The following VIT variants were observed in gnomAD, a reference collection of about 807,000 sequenced individuals.
VIT encodes vitrin.
Under a neutral mutation model 78.0 loss-of-function variants are expected in VIT, and 99 were observed. The observed-to-expected ratio is 1.27, with a 90% CI of 1.08 to 1.50. VIT has a LOEUF of 1.50. VIT is among the 40% of genes most tolerant of loss of function. The probability of loss-of-function intolerance (pLI) is 0.00; values close to 1 mark genes in which losing one functional copy is unlikely to be tolerated. For missense variants in VIT, 1,126 were observed against 875.3 expected, an observed-to-expected ratio of 1.29 and a Z score of -3.61; for synonymous variants, 374 against 334.3, an observed-to-expected ratio of 1.12 and a Z score of -1.29.
intron 1 of VIT, among the ~76,000 whole-genome samples, chr2:36,713,410 G>C (rs1323630563): frequency 6.6e-6 from 1 of 152,200 alleles, no homozygotes; most frequent in Non-Finnish European, 1.5e-5. Context: ...CAGAAGGGTC[G>C]ACGGAGGCCA....
chr2:36,738,530 T>A (rs1282985450), intron 3 of VIT, among the ~76,000 whole-genome samples: 1 of 152,162 alleles, frequency 6.6e-6, no homozygotes, highest in Non-Finnish European at 1.5e-5. Flanking sequence ...CCCTCTGTCA[T>A]CCAATCACTC....
intron 1 of VIT, among the ~76,000 whole-genome samples, chr2:36,709,175 G>C (rs115155365): frequency 6.6e-6 from 1 of 151,920 alleles, no homozygotes; most frequent in African/African-American, 2.4e-5. Context: ...AAACAATATC[G>C]ATGTCAACTC....
intron 2 of VIT, among the ~76,000 whole-genome samples, chr2:36,728,057 T>C (rs1421219333): frequency 6.6e-6 from 1 of 152,130 alleles, no homozygotes; most frequent in East Asian, 1.9e-4. Context: ...GCCTCCCAAG[T>C]AGCTGGAATT....
chr2:36,744,125 CA>C (rs1249858056), intron 4 of VIT, among the ~76,000 whole-genome samples: 1 of 152,166 alleles, frequency 6.6e-6, no homozygotes, highest in Non-Finnish European at 1.5e-5. Flanking sequence ...CATGTTGCTG[CA>C]AAGGACAAAA....
chr2:36,772,750 T>C (rs1669837768), intron 7 of VIT, among the ~76,000 whole-genome samples: 1 of 152,186 alleles, frequency 6.6e-6, no homozygotes, highest in African/African-American at 2.4e-5. Context: ...TACTTTGAAA[T>C]TGTGTCAAAT....
At chr2:36,763,548 A>G (rs1203920856) in intron 6 of VIT, among the ~76,000 whole-genome samples, 1 of 150,800 alleles carries the variant, frequency 6.6e-6, no homozygotes, top group Non-Finnish European at 1.5e-5. Context: ...ATTGGGAGCA[A>G]TTGGGATAGG....
chr2:36,808,954 C>G lies in VIT; in HGVS notation c.1872C>G (p.Val624=). 6.2e-7 allele frequency: 1 copy of G among 1,600,526 alleles called. No homozygotes were observed. The highest frequency in any genetic ancestry group is 8.5e-7 in the Non-Finnish European group (1 of 1,171,022). ...CCGACGGGAGGTCCTACGACGACGT[C>G]CGGATCCCAGCCATGGCTGCCCATC... The part of the protein sequence containing the change: ...LITDGRSYDD[V]RIPAMAAHLK... Residue 624 remains valine (V), a synonymous_variant, in exon 15 of 16, where the codon GTC becomes GTG. Transcript: ENST00000379242.
intron 6 of VIT, among the ~76,000 whole-genome samples, chr2:36,763,276 G>A (rs535733894): frequency 2.0e-5 from 3 of 152,186 alleles, no homozygotes; most frequent in East Asian, 3.9e-4. Flanking sequence ...TGTGGGGAGT[G>A]GTGTGGCACC....
intron 12 of VIT, 50 bp downstream of exon 12, chr2:36,787,326 TTAA>T (rs1376166412): frequency 7.6e-6 from 12 of 1,578,676 alleles, no homozygotes; most frequent in Non-Finnish European, 1.0e-5. Context: ...TGCCATGTGC[TTAA>T]TTTTATGCCA....
intron 1 of VIT, among the ~76,000 whole-genome samples, chr2:36,699,767 C>A (rs981096315): frequency 1.3e-5 from 2 of 152,094 alleles, no homozygotes; most frequent in Non-Finnish European, 2.9e-5. Context: ...GTCAATATAA[C>A]CCCATTCGGA....
rs1669477045 is a variant in VIT at position 36,767,115 on chromosome 2, A to C, written c.509A>C (p.Gln170Pro). 5 of 1,603,970 alleles carry C rather than the reference A, an allele frequency of 3.1e-6. No homozygotes were observed. In the East Asian group the frequency reaches 1.1e-4, roughly 36 times the overall value. ...ACAGGTGAGACCACAAAAGCCTATC[A>C]GAGGCCACCTATTCCAGGGACAACT... Reference protein sequence around the residue: ...AQAGETTKAYQRPPIPGTTAQ... With the variant: ...AQAGETTKAYPRPPIPGTTAQ... Residue 170 changes from glutamine (Q) to proline (P), a missense_variant, in exon 7 of 16, where the codon CAG becomes CCG. Physicochemically the swap from Gln to Pro is moderately conservative, Grantham distance 76. Transcript: ENST00000379242.
At chr2:36,778,379 G>A (rs1670197295) in intron 9 of VIT, among the ~76,000 whole-genome samples, 1 of 152,188 alleles carries the variant, frequency 6.6e-6, no homozygotes, top group African/African-American at 2.4e-5. Context: ...GGAGGCAGGG[G>A]TGGTGGGCTC....
At chr2:36,724,538 T>A (rs918544823) in intron 2 of VIT, among the ~76,000 whole-genome samples, 1 of 152,172 alleles carries the variant, frequency 6.6e-6, no homozygotes, top group Non-Finnish European at 1.5e-5. Flanking sequence ...GGGGGATTGC[T>A]GGGGAGGAGT....
At chr2:36,757,686 G>A (rs1174809349) in intron 5 of VIT, among the ~76,000 whole-genome samples, 2 of 152,184 alleles carry the variant, frequency 1.3e-5, no homozygotes, top group African/African-American at 4.8e-5. Flanking sequence ...GCCCAAACAC[G>A]TGGCATTTAT....
At chr2:36,776,693 G>C (rs866328902) in intron 9 of VIT, among the ~76,000 whole-genome samples, 1 of 152,078 alleles carries the variant, frequency 6.6e-6, no homozygotes, top group Non-Finnish European at 1.5e-5. Flanking sequence ...TACTCGGGAG[G>C]CTGAGGCAGG....
intron 6 of VIT, chr2:36,759,657 G>C: frequency 1.0e-6 from 1 of 990,230 alleles, no homozygotes; most frequent in South Asian, 4.6e-5. Flanking sequence ...CACACAAAGA[G>C]AAACTGTGAG....
At chr2:36,758,947 T>G (rs760852546) in intron 5 of VIT, 22 bp from the exon 6 acceptor site, 1 of 1,599,798 alleles carries the variant, frequency 6.3e-7, no homozygotes. Flanking sequence ...TAAATCTCGT[T>G]TTTTTTTTCT....
chr2:36,706,905 A>C (rs533465621), intron 1 of VIT, among the ~76,000 whole-genome samples: 1 of 152,316 alleles, frequency 6.6e-6, no homozygotes, highest in South Asian at 2.1e-4. Context: ...TTGGCAGGGT[A>C]GAAAGTGCGC....
chr2:36,774,929 C>A, intron 8 of VIT, 73 bp from the exon 9 acceptor site: 1 of 1,591,682 alleles, frequency 6.3e-7, no homozygotes, highest in Non-Finnish European at 8.6e-7. Context: ...TAATTTTCAC[C>A]GGGGGCAAAA....
Sources: gnomAD v4.1 joint callset for allele counts (sites outside exome capture counted in the v4.1 genomes callset) on GRCh38, gnomAD v4.1.1 for gene constraint, MANE v1.5 for transcripts, NCBI Gene and HGNC (gene_info 2026-07-23, HGNC 2026-07-21) for gene names.